MACROD2: variants seen among roughly 807,000 people sequenced by gnomAD.
MACROD2 encodes ADP-ribose glycohydrolase MACROD2.
A neutral mutation model predicts 70.4 loss-of-function variants in MACROD2; 36 were observed. That is an observed-to-expected ratio of 0.51 (90% CI 0.39 to 0.68). The LOEUF (loss-of-function observed/expected upper bound fraction) is 0.68, where lower values mean the gene tolerates loss of function less well. Ranked by LOEUF, MACROD2 falls within the 30% of genes least tolerant of loss-of-function variation. The probability of loss-of-function intolerance (pLI) is 0.00; values close to 1 mark genes in which losing one functional copy is unlikely to be tolerated. For synonymous variants in MACROD2, 172 were observed against 178.8 expected (o/e 0.96, Z 0.30); for missense variants, 496 against 538.4 (o/e 0.92, Z 0.78).
At chr20:14,181,639 C>T (rs7264001) in intron 3 of MACROD2, among the ~76,000 whole-genome samples, 4,057 of 151,872 alleles carry the variant, frequency 0.027, 53 homozygotes, top group Non-Finnish European at 0.032. Flanking sequence ...TGTCACATCC[C>T]ATTTCCCCTC....
intron 4 of MACROD2, among the ~76,000 whole-genome samples, chr20:14,567,664 G>A (rs752116779): frequency 3.6e-4 from 55 of 152,060 alleles, no homozygotes; most frequent in Non-Finnish European, 5.9e-4. Context: ...AAAGTGTATT[G>A]TCAGCTGACT....
chr20:15,917,015 A>G (rs758159828), intron 10 of MACROD2, among the ~76,000 whole-genome samples: 2 of 152,222 alleles, frequency 1.3e-5, no homozygotes, highest in Non-Finnish European at 2.9e-5. Context: ...TTGAACATAT[A>G]AAAACCATTC....
At chr20:14,862,162 T>TATATATTATACATAAATATATAA (rs1363093634) in intron 5 of MACROD2, among the ~76,000 whole-genome samples, 2 of 20,124 alleles carry the variant, frequency 9.9e-5, no homozygotes, top group African/African-American at 3.3e-4. Context: ...AATATATAAA[T>TATATATTATACATAAATATATAA]ATATATAAAT....
At chr20:14,332,504 A>G (rs1277542415) in intron 3 of MACROD2, among the ~76,000 whole-genome samples, 1 of 152,136 alleles carries the variant, frequency 6.6e-6, no homozygotes, top group Non-Finnish European at 1.5e-5. Context: ...TAGTAGTGCT[A>G]ACTTCTTATT....
intron 8 of MACROD2, among the ~76,000 whole-genome samples, chr20:15,766,700 C>T (rs959852305): frequency 7.9e-5 from 12 of 152,158 alleles, no homozygotes; most frequent in African/African-American, 2.7e-4. Context: ...ATTACTTAGA[C>T]GATCGATGGC....
chr20:14,495,280 G>T (rs2084840893), intron 4 of MACROD2, among the ~76,000 whole-genome samples: 1 of 152,100 alleles, frequency 6.6e-6, no homozygotes, highest in South Asian at 2.1e-4. Context: ...CCTAGTGCAT[G>T]GCTTTCATAC....
chr20:14,786,467 T>G (rs1304201252), intron 5 of MACROD2, among the ~76,000 whole-genome samples: 3 of 151,966 alleles, frequency 2.0e-5, no homozygotes, highest in African/African-American at 7.3e-5. Context: ...ATTTTTCTTC[T>G]GCTGGCCAAA....
chr20:15,112,420 A>G (rs1053462393), intron 5 of MACROD2, among the ~76,000 whole-genome samples: 3 of 152,168 alleles, frequency 2.0e-5, no homozygotes, highest in Non-Finnish European at 1.5e-5. Flanking sequence ...CTTATCACTT[A>G]GTGAATTCTT....
At chr20:15,636,786 C>T (rs912226860) in intron 8 of MACROD2, among the ~76,000 whole-genome samples, 2 of 151,944 alleles carry the variant, frequency 1.3e-5, no homozygotes, top group Non-Finnish European at 2.9e-5. Context: ...CTATGATGCA[C>T]AAGTGAGAGA....
At chr20:14,450,299 C>A (rs1484960882) in intron 3 of MACROD2, among the ~76,000 whole-genome samples, 2 of 152,044 alleles carry the variant, frequency 1.3e-5, no homozygotes, top group Non-Finnish European at 2.9e-5. Flanking sequence ...ACACATTGGG[C>A]TAATGAGAAT....
chr20:14,244,834 A>G (rs975014646), intron 3 of MACROD2, among the ~76,000 whole-genome samples: 3 of 152,150 alleles, frequency 2.0e-5, no homozygotes, highest in African/African-American at 7.2e-5. Flanking sequence ...AATAACCCTG[A>G]CCTTTTAGGA....
At chr20:14,266,573 G>A (rs1033775066) in intron 3 of MACROD2, among the ~76,000 whole-genome samples, 3 of 151,830 alleles carry the variant, frequency 2.0e-5, no homozygotes, top group Admixed American at 6.6e-5. Context: ...AGATCTACTA[G>A]ATAAAAAAAT....
chr20:14,257,660 G>A (rs1174501612), intron 3 of MACROD2, among the ~76,000 whole-genome samples: 1 of 152,088 alleles, frequency 6.6e-6, no homozygotes, highest in Non-Finnish European at 1.5e-5. Context: ...CAAAATGTAT[G>A]CATAACTTTT....
chr20:14,727,974 G>A (rs1368645004), intron 5 of MACROD2, among the ~76,000 whole-genome samples: 1 of 152,102 alleles, frequency 6.6e-6, no homozygotes, highest in Non-Finnish European at 1.5e-5. Flanking sequence ...TCAAGAATAA[G>A]AGTTGCTTAA....
At position 15,114,610 on chromosome 20, in the gene MACROD2, A is replaced by G. The variant is rs1349579312; in HGVS notation, c.419-115330A>G. 8.5e-5 allele frequency among the ~76,000 whole-genome samples: 13 copies of G among 152,194 alleles called. No individual in the cohort carries two copies. In the East Asian group the frequency reaches 9.6e-4, roughly 11 times the overall value. ...TTGGCTGACACTTTGATTGAATCCA[A>G]TTAAGCCATGCCCAGACTTCTGATC... On this transcript the variant is annotated intron_variant, in intron 5 of 17. Coordinates refer to ENST00000684519, the MANE Select transcript of MACROD2 (RefSeq NM_001351661.2).
chr20:14,388,614 G>A (rs979920296), intron 3 of MACROD2, among the ~76,000 whole-genome samples: 6 of 152,106 alleles, frequency 3.9e-5, no homozygotes, highest in Non-Finnish European at 8.8e-5. Context: ...TTATTTGTCC[G>A]TACCATAAGT....
intron 3 of MACROD2, among the ~76,000 whole-genome samples, chr20:14,146,429 T>A (rs1219547481): frequency 6.6e-6 from 1 of 152,204 alleles, no homozygotes; most frequent in African/African-American, 2.4e-5. Flanking sequence ...TTTCTAGTTC[T>A]GCCCCTTCTC....
chr20:14,592,582 A>T (rs1981848299), intron 4 of MACROD2, among the ~76,000 whole-genome samples: 1 of 151,984 alleles, frequency 6.6e-6, no homozygotes, highest in African/African-American at 2.4e-5. Context: ...GGCCACCATG[A>T]CTGGCTAACT....
intron 6 of MACROD2, among the ~76,000 whole-genome samples, chr20:15,309,823 T>C (rs1233057456): frequency 6.6e-6 from 1 of 152,174 alleles, no homozygotes; most frequent in Non-Finnish European, 1.5e-5. Flanking sequence ...TTTTGCTAGG[T>C]ATTGAAGAAC....
Sources: gnomAD v4.1 joint callset for allele counts (sites outside exome capture counted in the v4.1 genomes callset) on GRCh38, gnomAD v4.1.1 for gene constraint, MANE v1.5 for transcripts, NCBI Gene and HGNC (gene_info 2026-07-23, HGNC 2026-07-21) for gene names.